PLCL1: variants seen among roughly 807,000 people sequenced by gnomAD.
The protein encoded by PLCL1 is phospholipase C like 1 (inactive), also known as inactive phospholipase C-like protein 1.
PLCL1 carries 41 observed loss-of-function variants against 84.4 expected under a neutral mutation model. The observed-to-expected ratio is 0.49, with a 90% CI of 0.38 to 0.63. PLCL1 has a LOEUF of 0.63. PLCL1 is among the 30% of genes least tolerant of loss of function. PLCL1 has a pLI of 0.00. For missense variants in PLCL1, 1,206 were observed against 1,367.8 expected, an observed-to-expected ratio of 0.88 and a Z score of 1.87; for synonymous variants, 490 against 488.3, an observed-to-expected ratio of 1.00 and a Z score of -0.05.
intron 1 of PLCL1, among the ~76,000 whole-genome samples, chr2:197,858,997 A>G (rs1375585020): frequency 1.3e-5 from 2 of 152,128 alleles, no homozygotes; most frequent in African/African-American, 2.4e-5. Flanking sequence ...GCCTTTAAAG[A>G]GGGAGAGAGA....
At chr2:197,933,520 G>A (rs1408059975) in intron 1 of PLCL1, among the ~76,000 whole-genome samples, 2 of 151,928 alleles carry the variant, frequency 1.3e-5, no homozygotes, top group Non-Finnish European at 2.9e-5. Context: ...CTGGTAGAAA[G>A]GAAATAACAA....
At chr2:198,006,911 G>T (rs1385878605) in intron 1 of PLCL1, among the ~76,000 whole-genome samples, 1 of 152,154 alleles carries the variant, frequency 6.6e-6, no homozygotes, top group Non-Finnish European at 1.5e-5. Context: ...TCCTAGGAAG[G>T]TTCTTTAGGT....
chr2:197,949,159 T>C (rs1222251925), intron 1 of PLCL1, among the ~76,000 whole-genome samples: 1 of 152,180 alleles, frequency 6.6e-6, no homozygotes, highest in East Asian at 1.9e-4. Flanking sequence ...ATTTCACAGA[T>C]GATGAACATC....
intron 1 of PLCL1, among the ~76,000 whole-genome samples, chr2:197,815,272 A>G (rs1347904066): frequency 6.6e-6 from 1 of 152,146 alleles, no homozygotes; most frequent in Non-Finnish European, 1.5e-5. Context: ...ATTATGCCAA[A>G]TCTACTCTGT....
intron 3 of PLCL1, among the ~76,000 whole-genome samples, chr2:198,090,661 C>CT (rs1693003702): frequency 2.0e-5 from 3 of 152,128 alleles, no homozygotes; most frequent in African/African-American, 7.2e-5. Context: ...ATGAAATCAA[C>CT]TTTTTCATCA....
chr2:198,099,105 C>T (rs1294384777), intron 3 of PLCL1, among the ~76,000 whole-genome samples: 4 of 152,144 alleles, frequency 2.6e-5, no homozygotes, highest in Non-Finnish European at 5.9e-5. Flanking sequence ...GCAGCTCAGG[C>T]TGAGACATCA....
intron 1 of PLCL1, among the ~76,000 whole-genome samples, chr2:197,883,543 G>A (rs1252025241): frequency 1.3e-5 from 2 of 152,170 alleles, no homozygotes; most frequent in East Asian, 1.9e-4. Flanking sequence ...GGTCATGTAA[G>A]GGAAGGTCCT....
intron 3 of PLCL1, among the ~76,000 whole-genome samples, chr2:198,100,233 T>C (rs1274486579): frequency 2.2e-4 from 33 of 152,090 alleles, no homozygotes; most frequent in Admixed American, 2.2e-3. Context: ...GAGTCCCTGC[T>C]CTACTGGAAT....
chr2:198,036,649 C>A (rs1377371726), intron 1 of PLCL1, among the ~76,000 whole-genome samples: 1 of 152,022 alleles, frequency 6.6e-6, no homozygotes, highest in Non-Finnish European at 1.5e-5. Context: ...TCATTCATAG[C>A]CCTTAGTGGT....
At chr2:198,028,393 A>G (rs1362265655) in intron 1 of PLCL1, among the ~76,000 whole-genome samples, 1 of 151,992 alleles carries the variant, frequency 6.6e-6, no homozygotes, top group Non-Finnish European at 1.5e-5. Flanking sequence ...CTTGCTACGG[A>G]TGTGGGCTTA....
intron 5 of PLCL1, among the ~76,000 whole-genome samples, chr2:198,138,625 A>G (rs1285032451): frequency 1.3e-5 from 2 of 152,200 alleles, no homozygotes; most frequent in Non-Finnish European, 2.9e-5. Flanking sequence ...TCTAAATGAA[A>G]TAAAGACATT....
intron 1 of PLCL1, among the ~76,000 whole-genome samples, chr2:197,890,830 TGC>T (rs1688010923): frequency 1.1e-4 from 3 of 26,874 alleles, no homozygotes; most frequent in Non-Finnish European, 2.1e-4. Context: ...TATACATATA[TGC>T]ATATATATAT....
At chr2:198,088,175 A>C (rs1042760711) in intron 2 of PLCL1, among the ~76,000 whole-genome samples, 18 of 152,156 alleles carry the variant, frequency 1.2e-4, no homozygotes, top group African/African-American at 4.3e-4. Flanking sequence ...AAGTGTATCC[A>C]GGTAGCGTTG....
At chr2:197,879,338 G>A (rs1687788782) in intron 1 of PLCL1, among the ~76,000 whole-genome samples, 2 of 152,148 alleles carry the variant, frequency 1.3e-5, no homozygotes, top group African/African-American at 4.8e-5. Context: ...GGCAAGGAGT[G>A]CAAATAAAAG....
chr2:197,899,402 T>C (rs1049733335), intron 1 of PLCL1, among the ~76,000 whole-genome samples: 5 of 152,050 alleles, frequency 3.3e-5, no homozygotes, highest in Non-Finnish European at 7.4e-5. Context: ...GAATACCTAC[T>C]GGTACTCAGC....
intron 1 of PLCL1, among the ~76,000 whole-genome samples, chr2:197,834,551 C>T (rs560524848): frequency 1.8e-4 from 27 of 152,288 alleles, no homozygotes; most frequent in African/African-American, 6.5e-4. Context: ...CGAATAAAAG[C>T]CTGTCATCAC....
rs550002646 is a variant in PLCL1, at chr2:197,900,507, A to C, written c.240+95168A>C. Among the ~76,000 whole-genome samples, 527 of 152,338 alleles carry C rather than the reference A, an allele frequency of 3.5e-3. 4 individuals are homozygous for C. The highest frequency in any genetic ancestry group is 0.012 in the African/African-American group (489 of 41,570). On this transcript the variant is annotated intron_variant, in intron 1 of 5. Coordinates refer to ENST00000428675, the MANE Select transcript of PLCL1 (RefSeq NM_006226.4). ...TGTCCAAGAGTATAAATATTCAGAA[A>C]CATTTGAGTGCAGAAGATGCTGTGG... is the stretch of plus-strand genomic sequence containing the variant.
At chr2:198,129,707 A>G (rs1250543779) in intron 5 of PLCL1, among the ~76,000 whole-genome samples, 1 of 152,066 alleles carries the variant, frequency 6.6e-6, no homozygotes, top group Non-Finnish European at 1.5e-5. Flanking sequence ...GGGCTTTTCT[A>G]AAGGACTTTC....
intron 1 of PLCL1, among the ~76,000 whole-genome samples, chr2:198,020,715 G>T (rs1677459847): frequency 6.6e-6 from 1 of 152,140 alleles, no homozygotes; most frequent in Admixed American, 6.5e-5. Context: ...AAATATATAT[G>T]CACCCAATAC....
Sources: gnomAD v4.1 joint callset for allele counts (sites outside exome capture counted in the v4.1 genomes callset) on GRCh38, gnomAD v4.1.1 for gene constraint, MANE v1.5 for transcripts, NCBI Gene and HGNC (gene_info 2026-07-23, HGNC 2026-07-21) for gene names.